CYTH3: variants seen among roughly 807,000 people sequenced by gnomAD.
CYTH3 encodes the protein cytohesin 3, also known as cytohesin-3.
CYTH3 carries 23 observed loss-of-function variants against 55.1 expected under a neutral mutation model. The observed-to-expected ratio is 0.42, with a 90% CI of 0.30 to 0.59. The LOEUF (loss-of-function observed/expected upper bound fraction) is 0.59. CYTH3 is among the 20% of genes least tolerant of loss of function. CYTH3 has a pLI of 0.20. For missense variants in CYTH3, 413 were observed against 524.8 expected, an observed-to-expected ratio of 0.79 and a Z score of 2.08; for synonymous variants, 249 against 194.9, an observed-to-expected ratio of 1.28 and a Z score of -2.31.
intron 1 of CYTH3, among the ~76,000 whole-genome samples, chr7:6,194,211 G>T (rs147532709): frequency 6.6e-6 from 1 of 152,368 alleles, no homozygotes; most frequent in Non-Finnish European, 1.5e-5. Flanking sequence ...GGACAAGAAA[G>T]TGACAAGGCA....
In CYTH3 at chr7:6,190,804, C is replaced by T. The variant is rs545963699; in HGVS notation, c.35-273G>A. Among the ~76,000 whole-genome samples, 20 of 152,218 alleles carry T rather than the reference C, an allele frequency of 1.3e-4. No individual in the cohort carries two copies. In the South Asian group the frequency reaches 3.1e-3, roughly 24 times the overall value. ...CAAAAATATTTTTTCAGGCCAGGCA[C>T]GGTGGCTCATGCCTGTAATCCCAGC... On this transcript the variant is annotated intron_variant, in intron 1 of 12. Coordinates refer to ENST00000350796, the MANE Select transcript of CYTH3 (RefSeq NM_004227.4).
intron 1 of CYTH3, among the ~76,000 whole-genome samples, chr7:6,222,807 A>G (rs114919881): frequency 0.019 from 2,875 of 151,972 alleles, 86 homozygotes; most frequent in African/African-American, 0.049. Context: ...TTATATAACC[A>G]TTATACATTA....
At position 6,171,636 on chromosome 7, in the gene CYTH3, T is replaced by G. The variant is rs945681775; in HGVS notation, c.450-322A>C. On this transcript the variant is annotated intron_variant, in intron 6 of 12. Coordinates refer to ENST00000350796, the MANE Select transcript of CYTH3 (RefSeq NM_004227.4). This position sits in a 1 kb window ranked among gnomAD's most constrained non-coding sequence, Gnocchi z 6.7. Reference sequence around the variant, plus strand: ...CCCCATTGCCACCATCTCCTGCTGCTGCCAGGTGATCACCAGAGCCCTGCC... The same window carrying G: ...CCCCATTGCCACCATCTCCTGCTGCGGCCAGGTGATCACCAGAGCCCTGCC... 25 of 306,670 alleles carry G rather than the reference T, an allele frequency of 8.2e-5. No individual in the cohort carries two copies. Among genetic ancestry groups the G allele is most frequent in the Non-Finnish European group, 1.5e-4 (23 of 154,430 alleles). The allele number at this position is 306,670 out of a possible 1,614,324, so 19.0% of individuals were successfully genotyped here.
chr7:6,183,136 G>A (rs1352799388), intron 4 of CYTH3, among the ~76,000 whole-genome samples: 4 of 152,178 alleles, frequency 2.6e-5, no homozygotes, highest in Admixed American at 2.0e-4. Context: ...TTTCCCACCT[G>A]GAGACACAAT....
chr7:6,233,888 G>C (rs2128554057), intron 1 of CYTH3, among the ~76,000 whole-genome samples: 1 of 151,904 alleles, frequency 6.6e-6, no homozygotes, highest in Non-Finnish European at 1.5e-5. Context: ...TGTGTGGTGA[G>C]GGCTGCTCTC....
At chr7:6,191,845 G>A (rs2128544471) in intron 1 of CYTH3, among the ~76,000 whole-genome samples, 1 of 148,430 alleles carries the variant, frequency 6.7e-6, no homozygotes, top group Non-Finnish European at 1.5e-5. Context: ...GGGAGGCCAA[G>A]GTGGGAGGAT....
chr7:6,178,335 C>T (rs906156669), intron 4 of CYTH3, among the ~76,000 whole-genome samples: 5 of 152,238 alleles, frequency 3.3e-5, no homozygotes, highest in African/African-American at 4.8e-5. Context: ...CCTGGCCCCA[C>T]TCCCAGGGAC....
At position 6,241,740 on chromosome 7, in the gene CYTH3, G is replaced by T. The variant is rs1187138274; in HGVS notation, c.34+30734C>A. Among the ~76,000 whole-genome samples the T allele has an allele frequency of 2.6e-5, 4 of 152,102 alleles. No homozygotes were observed. In the East Asian group the frequency reaches 5.8e-4, roughly 22 times the overall value. Reference sequence around the variant, plus strand: ...AAAAAAAGTGGTGGGGTTGCAGTGGGGAGGGAAAGAAAGGGCTAGAACAAG... The same window carrying T: ...AAAAAAAGTGGTGGGGTTGCAGTGGTGAGGGAAAGAAAGGGCTAGAACAAG... On this transcript the variant is annotated intron_variant, in intron 1 of 12. Coordinates refer to ENST00000350796, the MANE Select transcript of CYTH3 (RefSeq NM_004227.4).
chr7:6,196,870 C>T (rs888194698), intron 1 of CYTH3, among the ~76,000 whole-genome samples: 8 of 152,334 alleles, frequency 5.3e-5, no homozygotes, highest in Non-Finnish European at 8.8e-5. Context: ...AGTCTGTCAA[C>T]AACATTTACG....
At chr7:6,186,832 A>G (rs903754967) in intron 4 of CYTH3, among the ~76,000 whole-genome samples, 1 of 151,040 alleles carries the variant, frequency 6.6e-6, no homozygotes, top group African/African-American at 2.5e-5. Context: ...GCTCACTCTG[A>G]AAGAAAGGCC....
chr7:6,265,295 G>A (rs1268544897), intron 1 of CYTH3, among the ~76,000 whole-genome samples: 1 of 151,660 alleles, frequency 6.6e-6, no homozygotes, highest in African/African-American at 2.4e-5. Flanking sequence ...AAGCCTATGA[G>A]GTTTACTATC....
chr7:6,210,271 T>G (rs561415872), intron 1 of CYTH3, among the ~76,000 whole-genome samples: 3 of 152,274 alleles, frequency 2.0e-5, no homozygotes, highest in Non-Finnish European at 4.4e-5. Flanking sequence ...TTCTAAAAAC[T>G]AAAGTCTATT....
chr7:6,225,000 T>G (rs915283427), intron 1 of CYTH3, among the ~76,000 whole-genome samples: 3 of 152,164 alleles, frequency 2.0e-5, no homozygotes, highest in African/African-American at 7.2e-5. Context: ...AGGGCAAATC[T>G]ATAGAGACAG....
At chr7:6,188,271 T>TGCAGTGAGCC (rs1783707539) in intron 2 of CYTH3, among the ~76,000 whole-genome samples, 1 of 151,450 alleles carries the variant, frequency 6.6e-6, no homozygotes, top group South Asian at 2.1e-4. Flanking sequence ...AGTTTGAGGC[T>TGCAGTGAGCC]GCAGTGAGCC....
intron 1 of CYTH3, among the ~76,000 whole-genome samples, chr7:6,234,261 C>G (rs1273859032): frequency 1.3e-5 from 2 of 152,134 alleles, no homozygotes; most frequent in Non-Finnish European, 2.9e-5. Flanking sequence ...TGGAGTGGCC[C>G]TCTCTTAGTT....
intron 1 of CYTH3, 55 bp downstream of exon 1, chr7:6,272,419 C>T (rs1780689681): frequency 1.7e-5 from 10 of 584,438 alleles, no homozygotes; most frequent in Non-Finnish European, 2.7e-5. Context: ...CGACCCCCAG[C>T]CCCCGGCCCC....
At chr7:6,200,718 G>A (rs1311477799) in intron 1 of CYTH3, among the ~76,000 whole-genome samples, 2 of 152,144 alleles carry the variant, frequency 1.3e-5, no homozygotes, top group African/African-American at 4.8e-5. Flanking sequence ...AACACACACA[G>A]AAATAACACC....
intron 1 of CYTH3, among the ~76,000 whole-genome samples, chr7:6,201,409 C>T (rs112913545): frequency 6.6e-5 from 10 of 152,340 alleles, no homozygotes; most frequent in African/African-American, 2.4e-4. Flanking sequence ...TCCTCAATCT[C>T]CATGTGGTGA....
At chr7:6,208,304 C>A (rs1289325136) in intron 1 of CYTH3, among the ~76,000 whole-genome samples, 1 of 152,182 alleles carries the variant, frequency 6.6e-6, no homozygotes, top group Non-Finnish European at 1.5e-5. Context: ...CCCAAATCAG[C>A]CTTTTGGACT....
Sources: allele counts gnomAD v4.1 joint callset (sites outside exome capture counted in the v4.1 genomes callset), GRCh38; gene constraint gnomAD v4.1.1; non-coding constraint Gnocchi (gnomAD v3.1); transcripts MANE v1.5; gene names NCBI Gene and HGNC (gene_info 2026-07-23, HGNC 2026-07-21).